The following PRKN variants were observed in gnomAD, a reference collection of about 807,000 sequenced individuals.
The protein encoded by PRKN is E3 ubiquitin-protein ligase parkin.
PRKN carries 56 observed loss-of-function variants against 59.5 expected under a neutral mutation model. The observed-to-expected ratio is 0.94, with a 90% CI of 0.76 to 1.18. The LOEUF (loss-of-function observed/expected upper bound fraction) is 1.18, where lower values mean the gene tolerates loss of function less well. Among genes scored for constraint, PRKN ranks in the 50% most tolerant of loss-of-function variants. The probability of loss-of-function intolerance (pLI) is 0.00; values close to 1 mark genes in which losing one functional copy is unlikely to be tolerated. For synonymous variants in PRKN, 250 were observed against 222.1 expected (o/e 1.13, Z -1.12); for missense variants, 657 against 596.4 (o/e 1.10, Z -1.06).
rs1446836720 is a variant in PRKN, at chr6:161,588,716, C to T, written c.872-19300G>A. Among the ~76,000 whole-genome samples, 1 of 152,104 alleles carries T rather than the reference C, an allele frequency of 6.6e-6. No individual in the cohort carries two copies. Among genetic ancestry groups the T allele is most frequent in the African/African-American group, 2.4e-5 (1 of 41,426 alleles). The stretch of plus-strand genomic sequence containing the variant: ...AGGGCACCACAATCCCTAGAAAATA[C>T]ACCCAAAGTGGTTTTTGAGAGGACA... On this transcript the variant is annotated intron_variant, in intron 7 of 11. Coordinates refer to ENST00000366898, the MANE Select transcript of PRKN (RefSeq NM_004562.3). The surrounding 1 kb of genome is among the most constrained non-coding windows in gnomAD (Gnocchi z 5.0).
At chr6:161,557,802 C>T (rs529050797) in intron 8 of PRKN, among the ~76,000 whole-genome samples, 2 of 152,172 alleles carry the variant, frequency 1.3e-5, no homozygotes, top group Non-Finnish European at 2.9e-5. Context: ...AGCTATGTGG[C>T]CCCCTTTCAG....
At chr6:161,864,405 A>C (rs143477728) in intron 6 of PRKN, among the ~76,000 whole-genome samples, 1 of 152,142 alleles carries the variant, frequency 6.6e-6, no homozygotes, top group African/African-American at 2.4e-5. Flanking sequence ...GATTACAGCA[A>C]TTCAGTCACA....
At chr6:161,987,837 C>T (rs1268170300) in intron 5 of PRKN, among the ~76,000 whole-genome samples, 2 of 152,172 alleles carry the variant, frequency 1.3e-5, no homozygotes, top group Non-Finnish European at 2.9e-5. Context: ...TTGTTTATCT[C>T]TCCTCTATTT....
At chr6:162,322,842 C>T (rs1783087458) in intron 2 of PRKN, among the ~76,000 whole-genome samples, 1 of 151,824 alleles carries the variant, frequency 6.6e-6, no homozygotes, top group Non-Finnish European at 1.5e-5. Context: ...CAATGATAGA[C>T]TGGATTAAGA....
intron 1 of PRKN, among the ~76,000 whole-genome samples, chr6:162,633,833 A>G (rs1583949343): frequency 6.6e-6 from 1 of 152,180 alleles, no homozygotes; most frequent in African/African-American, 2.4e-5. Flanking sequence ...GAGCTAAACA[A>G]GAGACTAACG....
At chr6:162,079,774 G>A (rs1404722721) in intron 4 of PRKN, among the ~76,000 whole-genome samples, 3 of 151,998 alleles carry the variant, frequency 2.0e-5, no homozygotes, top group Admixed American at 2.0e-4. Context: ...GAATCTTCCT[G>A]GAAACTTTCT....
intron 3 of PRKN, among the ~76,000 whole-genome samples, chr6:162,257,396 T>C (rs1246881111): frequency 6.6e-6 from 1 of 152,140 alleles, no homozygotes; most frequent in African/African-American, 2.4e-5. Context: ...TCAATTAACA[T>C]GACTCTTCAA....
At chr6:161,647,044 T>A (rs12111122) in intron 7 of PRKN, among the ~76,000 whole-genome samples, 5,278 of 152,300 alleles carry the variant, frequency 0.035, 182 homozygotes, top group African/African-American at 0.087. Context: ...AATGTTGATA[T>A]TTTTCTCTCT....
At chr6:162,576,880 G>A (rs1461677228) in intron 1 of PRKN, among the ~76,000 whole-genome samples, 1 of 151,158 alleles carries the variant, frequency 6.6e-6, no homozygotes, top group East Asian at 1.9e-4. Context: ...TGAGAGCGAG[G>A]ATTTGATGCC....
At chr6:161,694,754 T>C (rs544674083) in intron 7 of PRKN, among the ~76,000 whole-genome samples, 1 of 152,338 alleles carries the variant, frequency 6.6e-6, no homozygotes, top group Non-Finnish European at 1.5e-5. Flanking sequence ...ACAGACTCCC[T>C]GTTTGCTAAC....
intron 6 of PRKN, among the ~76,000 whole-genome samples, chr6:161,911,679 C>A (rs1778366548): frequency 6.6e-6 from 1 of 152,022 alleles, no homozygotes; most frequent in Non-Finnish European, 1.5e-5. Flanking sequence ...AAATAAATAC[C>A]CGTCAGTATA....
chr6:161,651,641 G>T (rs998808836), intron 7 of PRKN, among the ~76,000 whole-genome samples: 2 of 152,148 alleles, frequency 1.3e-5, no homozygotes, highest in African/African-American at 2.4e-5. Context: ...AGGTTATTAA[G>T]GTATTGCAGA....
chr6:161,484,311 A>C lies in PRKN; in HGVS notation c.1083+64543T>G, dbSNP rs1350945410. ...GCTTTTGAACCAAAGTCCTCTTGGAATGCTGAGACGCACTGGAAACCTCTA... is the reference window on the plus strand; with the variant it reads ...GCTTTTGAACCAAAGTCCTCTTGGACTGCTGAGACGCACTGGAAACCTCTA... On this transcript the variant is annotated intron_variant, in intron 9 of 11. Transcript: ENST00000366898. This position sits in a 1 kb window ranked among gnomAD's most constrained non-coding sequence, Gnocchi z 4.9. Among the ~76,000 whole-genome samples the C allele has an allele frequency of 4.6e-5, 7 of 152,256 alleles. No homozygotes were observed. In the East Asian group the frequency reaches 1.4e-3, roughly 29 times the overall value.
chr6:161,945,865 G>A (rs749790147), intron 6 of PRKN, among the ~76,000 whole-genome samples: 2 of 152,192 alleles, frequency 1.3e-5, no homozygotes, highest in African/African-American at 4.8e-5. Context: ...TAAAGCTCCC[G>A]AAATGGATGA....
In PRKN at chr6:162,128,528, A is replaced by G. The variant is rs77741862; in HGVS notation, c.534+72603T>C. On this transcript the variant is annotated intron_variant, in intron 4 of 11. Transcript: ENST00000366898. ...AAGCCATAGCACCAGCCGACTGTAC[A>G]ATCTCACACCTTACTATAGGAGAGA... Among the ~76,000 whole-genome samples, 326 of 152,304 alleles carry G rather than the reference A, an allele frequency of 2.1e-3. 4 individuals carry two copies. The highest frequency in any genetic ancestry group is 7.3e-3 in the African/African-American group (302 of 41,572).
intron 1 of PRKN, among the ~76,000 whole-genome samples, chr6:162,479,269 G>A (rs569635406): frequency 1.3e-4 from 20 of 150,814 alleles, no homozygotes; most frequent in Non-Finnish European, 2.2e-4. Flanking sequence ...TCTGTTGCCC[G>A]GGTTGGAGTG....
In PRKN at chr6:161,350,103, A is replaced by C. The variant is rs763854303; in HGVS notation, c.1394T>G (p.Val465Gly). The change falls in exon 12 of 12, where the codon GTG becomes GGG. Residue 465 changes from valine (V) to glycine (G), a missense_variant. Val to Gly is a moderately radical substitution (Grantham distance 109). Transcript: ENST00000366898. ...TGGGGCGCCCGGCCGCCCTGGCTAC[A>C]CGTCGAACCAGTGGTCCCCCATGCA... ...RVCMGDHWFDV is the reference protein window; with the variant it reads ...RVCMGDHWFDG 1 of 1,611,224 alleles carries C rather than the reference A, an allele frequency of 6.2e-7. No homozygotes were observed. Among genetic ancestry groups the C allele is most frequent in the South Asian group, 1.1e-5 (1 of 91,020 alleles).
chr6:162,073,613 G>A (rs1453938986), intron 4 of PRKN, among the ~76,000 whole-genome samples: 4 of 152,036 alleles, frequency 2.6e-5, no homozygotes, highest in East Asian at 1.9e-4. Context: ...CACCACACCC[G>A]GTTAATTTTT....
chr6:162,534,018 T>C (rs1157793553), intron 1 of PRKN, among the ~76,000 whole-genome samples: 1 of 145,202 alleles, frequency 6.9e-6, no homozygotes, highest in African/African-American at 2.5e-5. Context: ...ATAAGACAAA[T>C]GTACATAAAA....
Sources: gnomAD v4.1 joint callset for allele counts (sites outside exome capture counted in the v4.1 genomes callset) on GRCh38, gnomAD v4.1.1 for gene constraint, Gnocchi (gnomAD v3.1) non-coding constraint, MANE v1.5 for transcripts, NCBI Gene and HGNC (gene_info 2026-07-23, HGNC 2026-07-21) for gene names.